Variants in PLEKHA6 observed in about 807,000 individuals in gnomAD.
PLEKHA6 encodes the protein pleckstrin homology domain-containing family A member 6.
A neutral mutation model predicts 116.7 loss-of-function variants in PLEKHA6; 60 were observed. The observed-to-expected ratio is 0.51, with a 90% CI of 0.42 to 0.64. PLEKHA6 has a LOEUF of 0.64. Ranked by LOEUF, PLEKHA6 falls within the 30% of genes least tolerant of loss-of-function variation. The pLI is 0.00. For synonymous variants in PLEKHA6, 489 were observed against 556.1 expected (o/e 0.88, Z 1.70); for missense variants, 1,338 against 1,422.7 (o/e 0.94, Z 0.96).
Position 204,259,519 on chromosome 1 carries a change from G to A in PLEKHA6, c.746C>T (p.Pro249Leu), listed in dbSNP as rs777454219. 1.2e-5 allele frequency: 20 copies of A among 1,613,920 alleles called. No individual in the cohort carries two copies. Among genetic ancestry groups the A allele is most frequent in the Admixed American group, 3.3e-5 (2 of 60,008 alleles). ...TGGGCCCTCGGGGTAAGGGCTGCCC[G>A]GCTCTGAGGCTGGCTCCGGTCCAGC... ...LPAGPEPASE[P>L]GSPYPEGPRV... is the part of the protein sequence containing the mutation. Residue 249 changes from proline (P) to leucine (L), a missense_variant, in exon 8 of 23, where the codon CCG becomes CTG. Physicochemically the swap from Pro to Leu is moderately conservative, Grantham distance 98 (BLOSUM62 -3). Coordinates refer to ENST00000272203, the MANE Select transcript of PLEKHA6 (RefSeq NM_014935.5). The surrounding 1 kb of genome is among the most constrained non-coding windows in gnomAD (Gnocchi z 4.6).
chr1:204,284,874 T>A (rs557410915), intron 1 of PLEKHA6, among the ~76,000 whole-genome samples: 1 of 152,290 alleles, frequency 6.6e-6, no homozygotes, highest in African/African-American at 2.4e-5. Flanking sequence ...GGACTAAATA[T>A]TTAAAACCTC....
intron 1 of PLEKHA6, among the ~76,000 whole-genome samples, chr1:204,278,167 A>G (rs970174743): frequency 6.6e-6 from 1 of 152,176 alleles, no homozygotes; most frequent in Non-Finnish European, 1.5e-5. Context: ...ATGTCTTAGG[A>G]TCCTTGGACT....
At chr1:204,358,350 C>G (rs889995616) in intron 1 of PLEKHA6, among the ~76,000 whole-genome samples, 10 of 152,334 alleles carry the variant, frequency 6.6e-5, no homozygotes, top group Admixed American at 4.6e-4. Flanking sequence ...CTCCCCTCCA[C>G]CAGCAGGGTC....
chr1:204,321,273 G>A (rs1255105626), intron 1 of PLEKHA6, among the ~76,000 whole-genome samples: 2 of 152,120 alleles, frequency 1.3e-5, no homozygotes, highest in Non-Finnish European at 2.9e-5. Context: ...CTGATCCTCA[G>A]AATCCTGAGG....
At chr1:204,264,816 A>T (rs1345449244) in intron 6 of PLEKHA6, 126 bp downstream of exon 6, 1 of 755,244 alleles carries the variant, frequency 1.3e-6, no homozygotes, top group East Asian at 2.5e-5. Flanking sequence ...ACCCACCACC[A>T]CTGCTATGGC....
chr1:204,288,023 T>C (rs148084793), intron 1 of PLEKHA6, among the ~76,000 whole-genome samples: 81 of 152,336 alleles, frequency 5.3e-4, no homozygotes, highest in African/African-American at 1.6e-3. Context: ...CTCTGGCTGA[T>C]AGAATGGGTA....
intron 1 of PLEKHA6, chr1:204,347,307 T>G: frequency 1.2e-6 from 1 of 813,400 alleles, no homozygotes. Flanking sequence ...GGCTCCCATT[T>G]GCTTTTGAAA....
intron 1 of PLEKHA6, among the ~76,000 whole-genome samples, chr1:204,351,370 C>T (rs1208406345): frequency 6.6e-6 from 1 of 152,220 alleles, no homozygotes; most frequent in Non-Finnish European, 1.5e-5. Context: ...CTCCCACCTT[C>T]TCTACAGAGT....
chr1:204,276,737 A>G (rs1668054327), intron 1 of PLEKHA6, among the ~76,000 whole-genome samples: 1 of 151,720 alleles, frequency 6.6e-6, no homozygotes, highest in Admixed American at 6.6e-5. Context: ...GGAATGGCAC[A>G]TCTCTCCCAG....
chr1:204,333,347 A>C (rs970347759), intron 1 of PLEKHA6, among the ~76,000 whole-genome samples: 1 of 152,214 alleles, frequency 6.6e-6, no homozygotes, highest in Non-Finnish European at 1.5e-5. Context: ...TCTTTACTCT[A>C]CTGGGGAGGA....
At position 204,257,306 on chromosome 1, in the gene PLEKHA6, C is replaced by T. The variant is rs1571916827; in HGVS notation, c.1524+47G>A. 6.5e-7 allele frequency: 1 copy of T among 1,530,292 alleles called. No individual in the cohort carries two copies. Among genetic ancestry groups the T allele is most frequent in the African/African-American group, 1.4e-5 (1 of 72,812 alleles). 94.8% of individuals were successfully genotyped at this position (1,530,292 alleles called of 1,614,324 possible). ...TTTCTCAGTAGATGGTCTTAGGCTT[C>T]TGGGGACCTCAGGGGATGAGGAAGG... is the stretch of plus-strand genomic sequence containing the variant. On this transcript the variant is annotated intron_variant, in intron 9 of 22. Coordinates refer to ENST00000272203, the MANE Select transcript of PLEKHA6 (RefSeq NM_014935.5). The surrounding 1 kb of genome is among the most constrained non-coding windows in gnomAD (Gnocchi z 6.5).
At chr1:204,290,921 G>C (rs936746870) in intron 1 of PLEKHA6, among the ~76,000 whole-genome samples, 1 of 151,454 alleles carries the variant, frequency 6.6e-6, no homozygotes. Flanking sequence ...CCCAGGAGGG[G>C]GAGGTTGCAG....
At chr1:204,341,016 G>A (rs1672826517) in intron 1 of PLEKHA6, among the ~76,000 whole-genome samples, 1 of 152,144 alleles carries the variant, frequency 6.6e-6, no homozygotes, top group Non-Finnish European at 1.5e-5. Flanking sequence ...GGAAGACTGG[G>A]GTGCTTTATA....
intron 1 of PLEKHA6, among the ~76,000 whole-genome samples, chr1:204,296,309 C>T (rs908467165): frequency 1.3e-5 from 2 of 152,040 alleles, no homozygotes; most frequent in African/African-American, 2.4e-5. Context: ...TCTTTCCTCT[C>T]ACACAGTGCT....
At chr1:204,329,161 A>G (rs1672357433) in intron 1 of PLEKHA6, among the ~76,000 whole-genome samples, 1 of 152,252 alleles carries the variant, frequency 6.6e-6, no homozygotes, top group South Asian at 2.1e-4. Flanking sequence ...TTGATTAAAC[A>G]TGGCTGAATT....
rs115086261 is a variant in PLEKHA6, at chr1:204,353,814, C to T, written c.-95+5880G>A. On this transcript the variant is annotated intron_variant, in intron 1 of 22. Coordinates refer to ENST00000272203, the MANE Select transcript of PLEKHA6 (RefSeq NM_014935.5). Reference sequence around the variant, plus strand: ...GTCATTCAAACAGGTCTCAGCACTACGCCTCTATCACCATACTCCCACCCG... The same window carrying T: ...GTCATTCAAACAGGTCTCAGCACTATGCCTCTATCACCATACTCCCACCCG... 3.1e-3 allele frequency among the ~76,000 whole-genome samples: 469 copies of T among 152,212 alleles called. 3 individuals carry two copies. In the Middle Eastern group the frequency reaches 0.041, roughly 13 times the overall value.
intron 1 of PLEKHA6, among the ~76,000 whole-genome samples, chr1:204,351,876 T>G (rs1427040720): frequency 1.3e-5 from 2 of 152,166 alleles, no homozygotes; most frequent in Non-Finnish European, 2.9e-5. Context: ...TTATTAAGTT[T>G]CACCATGCCC....
At chr1:204,225,552 C>T (rs1470004667) in intron 21 of PLEKHA6, among the ~76,000 whole-genome samples, 1 of 152,218 alleles carries the variant, frequency 6.6e-6, no homozygotes, top group East Asian at 1.9e-4. Context: ...AATATATACA[C>T]TGTACACAAC....
chr1:204,261,604 G>A lies in PLEKHA6; in HGVS notation c.382-156C>T. On this transcript the variant is annotated intron_variant, in intron 6 of 22. Coordinates refer to ENST00000272203, the MANE Select transcript of PLEKHA6 (RefSeq NM_014935.5). The surrounding 1 kb of genome is among the most constrained non-coding windows in gnomAD (Gnocchi z 4.0). Reference sequence around the variant, plus strand: ...TCCCCATGCGGAGCTCAGGAGCAAGGTGAAGAGGGCAGCTTGCAGCTACCC... The same window carrying A: ...TCCCCATGCGGAGCTCAGGAGCAAGATGAAGAGGGCAGCTTGCAGCTACCC... 1.3e-6 allele frequency: 1 copy of A among 799,788 alleles called. No homozygotes were observed. Among genetic ancestry groups the A allele is most frequent in the Middle Eastern group, 3.8e-4 (1 of 2,636 alleles). The allele number at this position is 799,788 out of a possible 1,614,324, so 49.5% of individuals were successfully genotyped here. A position where few individuals can be genotyped will look rare whatever the true frequency, so the allele number is the denominator to read the frequency against.
Sources: gnomAD v4.1 joint callset for allele counts (sites outside exome capture counted in the v4.1 genomes callset) on GRCh38, gnomAD v4.1.1 for gene constraint, Gnocchi (gnomAD v3.1) non-coding constraint, MANE v1.5 for transcripts, NCBI Gene and HGNC (gene_info 2026-07-23, HGNC 2026-07-21) for gene names.